The following CASC3 variants were observed in gnomAD, a reference collection of about 807,000 sequenced individuals.
CASC3 encodes the protein CASC3 exon junction complex subunit, also known as protein CASC3.
Under a neutral mutation model 80.5 loss-of-function variants are expected in CASC3, and 30 were observed. The observed-to-expected ratio is 0.37, with a 90% CI of 0.28 to 0.51. The LOEUF is 0.51. Ranked by LOEUF, CASC3 falls within the 20% of genes least tolerant of loss-of-function variation. The probability of loss-of-function intolerance (pLI) is 0.94; values close to 1 mark genes in which losing one functional copy is unlikely to be tolerated. For synonymous variants in CASC3, 312 were observed against 333.6 expected, an observed-to-expected ratio of 0.94 and a Z score of 0.70; for missense variants, 824 against 922.2, an observed-to-expected ratio of 0.89 and a Z score of 1.38.
intron 11 of CASC3, chr17:40,168,661 G>C (rs1271230881): frequency 6.6e-6 from 3 of 457,864 alleles, no homozygotes; most frequent in African/African-American, 6.0e-5. Flanking sequence ...CGTGATCTCG[G>C]TTCACTGTAA....
At chr17:40,147,120 T>A (rs567843416) in intron 3 of CASC3, among the ~76,000 whole-genome samples, 1 of 152,156 alleles carries the variant, frequency 6.6e-6, no homozygotes, top group Non-Finnish European at 1.5e-5. Flanking sequence ...AGGAAAGAAG[T>A]ACCACTGAAG....
chr17:40,159,519 G>A (rs959508308), intron 3 of CASC3, among the ~76,000 whole-genome samples: 1 of 149,222 alleles, frequency 6.7e-6, no homozygotes, highest in Non-Finnish European at 1.5e-5. Flanking sequence ...GGGACTACAG[G>A]CACGCACGCA....
chr17:40,160,067 C>T (rs897169882), intron 3 of CASC3, among the ~76,000 whole-genome samples: 4 of 152,008 alleles, frequency 2.6e-5, no homozygotes, highest in African/African-American at 9.7e-5. Flanking sequence ...CATGGGGATC[C>T]ATGAAAATTT....
intron 3 of CASC3, among the ~76,000 whole-genome samples, chr17:40,158,390 A>T (rs1989204280): frequency 6.6e-6 from 1 of 152,194 alleles, no homozygotes; most frequent in African/African-American, 2.4e-5. Flanking sequence ...ACCAGGTTTC[A>T]GATGTAACCC....
At position 40,170,899 on chromosome 17, in the gene CASC3, C is replaced by G; in HGVS notation, c.*494C>G. 1.0e-6 allele frequency: 1 copy of G among 985,468 alleles called. No homozygotes were observed. The highest frequency in any genetic ancestry group is 1.7e-5 in the African/African-American group (1 of 57,316). The allele number at this position is 985,468 out of a possible 1,614,324, so 61.0% of individuals were successfully genotyped here. Reference sequence around the variant, plus strand: ...TGCCTTTAAATGAAACAAGTCTAGTCTTCTGGTTTTCTAGCCCCTCTGGAT... The same window carrying G: ...TGCCTTTAAATGAAACAAGTCTAGTGTTCTGGTTTTCTAGCCCCTCTGGAT... On this transcript the variant is annotated 3_prime_UTR_variant, in exon 14 of 14. Coordinates refer to ENST00000264645, the MANE Select transcript of CASC3 (RefSeq NM_007359.5).
chr17:40,169,690 G>C (rs9909811), intron 13 of CASC3, 28 bp downstream of exon 13: 40,379 of 867,302 alleles, frequency 0.047, 2,049 homozygotes, highest in African/African-American at 0.26. Context: ...TGTGAATATT[G>C]TTAAAACTAA....
chr17:40,163,767 T>A lies in CASC3; in HGVS notation c.1072T>A (p.Ser358Thr). The A allele has an allele frequency of 6.2e-7, 1 of 1,614,110 alleles. No homozygotes were observed. Among genetic ancestry groups the A allele is most frequent in the Non-Finnish European group, 8.5e-7 (1 of 1,180,024 alleles). ...CCGGTCACGGCGCCTAGAGCAGACT[T>A]CTGTGAGGGATCCATCTCCAGAAGC... ...SYRSRRLEQT[S>T]VRDPSPEADA... Residue 358 changes from serine to threonine, a missense_variant, in exon 7 of 14, where the codon TCT becomes ACT. By Grantham distance (58) the Ser-to-Thr change is moderately conservative. Coordinates refer to ENST00000264645, the MANE Select transcript of CASC3 (RefSeq NM_007359.5).
intron 6 of CASC3, 117 bp downstream of exon 6, chr17:40,163,018 C>T (rs1598429225): frequency 2.8e-6 from 2 of 704,174 alleles, no homozygotes; most frequent in East Asian, 5.5e-5. Context: ...GCCAGGAGTT[C>T]AAGACCAGCC....
At chr17:40,144,658 CTTTTTTTTTTT>C (rs939136950) in intron 3 of CASC3, among the ~76,000 whole-genome samples, 8 of 119,134 alleles carry the variant, frequency 6.7e-5, no homozygotes, top group Non-Finnish European at 1.2e-4. Context: ...GCCCAGCCCT[CTTTTTTTTTTT>C]TTTTTTTTTT....
chr17:40,143,912 C>A (rs543330948), intron 3 of CASC3, among the ~76,000 whole-genome samples: 28 of 151,590 alleles, frequency 1.8e-4, no homozygotes, highest in Non-Finnish European at 2.5e-4. Context: ...GCGATCCATA[C>A]CCCATTTACC....
chr17:40,167,456 C>A (rs1225191525), intron 8 of CASC3, 42 bp from the exon 9 acceptor site: 12 of 1,406,696 alleles, frequency 8.5e-6, no homozygotes, highest in Non-Finnish European at 1.2e-5. Flanking sequence ...ATATGAGAGC[C>A]CTCTAGAATT....
At chr17:40,151,940 G>T (rs1989020962) in intron 3 of CASC3, among the ~76,000 whole-genome samples, 1 of 151,974 alleles carries the variant, frequency 6.6e-6, no homozygotes, top group South Asian at 2.1e-4. Flanking sequence ...CTTTATTGAG[G>T]TATAACTCAC....
chr17:40,168,950 G>T, intron 11 of CASC3: 1 of 198,542 alleles, frequency 5.0e-6, no homozygotes, highest in Admixed American at 5.4e-5. Flanking sequence ...GGCAATACCT[G>T]GTTTTTACTC....
intron 1 of CASC3, 81 bp downstream of exon 1, chr17:40,140,860 T>C (rs1988694636): frequency 7.3e-6 from 8 of 1,088,722 alleles, no homozygotes; most frequent in Non-Finnish European, 1.0e-5. Flanking sequence ...CTAGGTAGTC[T>C]GTGAGTTGAT....
At chr17:40,142,614 C>T (rs937975674) in intron 3 of CASC3, among the ~76,000 whole-genome samples, 8 of 152,050 alleles carry the variant, frequency 5.3e-5, no homozygotes, top group African/African-American at 1.2e-4. Context: ...TCTGGCCCGG[C>T]GCGGTGGCTC....
intron 1 of CASC3, 152 bp from the exon 2 acceptor site, chr17:40,141,055 G>A (rs907930984): frequency 2.7e-6 from 2 of 748,832 alleles, no homozygotes; most frequent in African/African-American, 1.7e-5. Flanking sequence ...GACCAGACCT[G>A]CCTTGGCTAC....
Position 40,140,562 on chromosome 17 carries a change from G to A in CASC3, c.14G>A (p.Arg5Gln). Residue 5 changes from arginine to glutamine, a missense_variant, in exon 1 of 14, where the codon CGG becomes CAG. Around this residue, in one of 3 missense-constraint regions of CASC3, gnomAD observed 159 missense variants for 122.2 expected, o/e 1.30. Transcript: ENST00000264645. The stretch of plus-strand genomic sequence containing the variant: ...GTTCTCCGTAAGATGGCGGACCGGC[G>A]GCGGCAGCGCGCTTCGCAAGACACC... MADR[R>Q]RQRASQDTED... The A allele has an allele frequency of 1.2e-6, 2 of 1,608,196 alleles. No homozygotes were observed. The highest frequency in any genetic ancestry group is 1.7e-6 in the Non-Finnish European group (2 of 1,179,658).
At position 40,140,639 on chromosome 17, in the gene CASC3, C is replaced by T; in HGVS notation, c.91C>T (p.Arg31Trp). 6.2e-7 allele frequency: 1 copy of T among 1,607,420 alleles called. No homozygotes were observed. The part of the protein sequence containing the change: ...SGSDSGGSPL[R>W]GGGSCSGSAG... ...CTCCGACAGCGGCGGCTCCCCGTTG[C>T]GGGGAGGCGGGAGCTGCAGCGGTAG... The change falls in exon 1 of 14, where the codon CGG becomes TGG. Residue 31 changes from arginine (R) to tryptophan (W), a missense_variant. By Grantham distance (101) the Arg-to-Trp change is moderately radical. Coordinates refer to ENST00000264645, the MANE Select transcript of CASC3 (RefSeq NM_007359.5).
intron 3 of CASC3, among the ~76,000 whole-genome samples, chr17:40,142,524 C>G (rs1407154197): frequency 6.6e-6 from 1 of 152,214 alleles, no homozygotes; most frequent in Non-Finnish European, 1.5e-5. Context: ...GTAATCCCAG[C>G]ACTTTGGAAG....
Sources: allele counts gnomAD v4.1 joint callset (sites outside exome capture counted in the v4.1 genomes callset), GRCh38; gene constraint gnomAD v4.1.1; regional missense constraint gnomAD v4.1.1; transcripts MANE v1.5; gene names NCBI Gene and HGNC (gene_info 2026-07-23, HGNC 2026-07-21).